Variants in ADCYAP1 observed in about 807,000 individuals in gnomAD.
ADCYAP1 encodes adenylate cyclase activating polypeptide 1.
ADCYAP1 carries 6 observed loss-of-function variants against 18.5 expected under a neutral mutation model. The ratio of observed to expected loss-of-function variants is 0.32; its 90% CI spans 0.18 to 0.64. The LOEUF is 0.64. Among genes scored for constraint, ADCYAP1 ranks in the 30% least tolerant of loss-of-function variants. The pLI is 0.77. For missense variants in ADCYAP1, 314 were observed against 253.6 expected (o/e 1.24, Z -1.62); for synonymous variants, 136 against 113.9 (o/e 1.19, Z -1.24).
At chr18:909,299 C>G (rs903029978) in intron 4 of ADCYAP1, 147 bp from the exon 5 acceptor site, 2 of 743,316 alleles carry the variant, frequency 2.7e-6, no homozygotes, top group East Asian at 5.9e-5. Context: ...CGGCTGCTTC[C>G]AGGCAGAGGC....
intron 3 of ADCYAP1, 134 bp downstream of exon 3, chr18:907,924 G>T (rs1225419924): frequency 1.5e-6 from 2 of 1,353,514 alleles, no homozygotes; most frequent in Non-Finnish European, 1.9e-6. Flanking sequence ...CCTCTCCCTG[G>T]CCCGATCCTA....
chr18:905,041 G>A lies in ADCYAP1; in HGVS notation c.-21G>A, dbSNP rs762578040. On this transcript the variant is annotated 5_prime_UTR_variant, in exon 1 of 5. Transcript: ENST00000450565. ...GCCGTCCTACCTGGCAGCTCTCCTGGCAGCGGGAGGAGTTGAAGGGTAAGG... is the reference window on the plus strand; with the variant it reads ...GCCGTCCTACCTGGCAGCTCTCCTGACAGCGGGAGGAGTTGAAGGGTAAGG... 1 of 1,295,770 alleles carries A rather than the reference G, an allele frequency of 7.7e-7. No individual in the cohort carries two copies. The highest frequency in any genetic ancestry group is 1.3e-5 in the South Asian group (1 of 79,450). 80.3% of individuals were successfully genotyped at this position (1,295,770 alleles called of 1,614,324 possible). A position where few individuals can be genotyped will look rare whatever the true frequency, so the allele number is the denominator to read the frequency against.
Position 909,667 on chromosome 18 carries a change from C to T in ADCYAP1, c.*32C>T. 1 of 1,571,362 alleles carries T rather than the reference C, an allele frequency of 6.4e-7. No individual in the cohort carries two copies. The highest frequency in any genetic ancestry group is 1.1e-5 in the South Asian group (1 of 86,964). On this transcript the variant is annotated 3_prime_UTR_variant, in exon 5 of 5. Coordinates refer to ENST00000450565, the MANE Select transcript of ADCYAP1 (RefSeq NM_001099733.2). Reference sequence around the variant, plus strand: ...GTTACCAGCTACCCTGTGTATACAGCCCTGACGCAATGAAAAGTCGTTTTC... The same window carrying T: ...GTTACCAGCTACCCTGTGTATACAGTCCTGACGCAATGAAAAGTCGTTTTC...
intron 4 of ADCYAP1, among the ~76,000 whole-genome samples, chr18:908,593 C>A (rs191294273): frequency 1.3e-5 from 2 of 152,160 alleles, no homozygotes; most frequent in Non-Finnish European, 2.9e-5. Context: ...GAGTTTGATC[C>A]GTTTTGAATG....
intron 2 of ADCYAP1, chr18:905,862 T>C (rs574325100): frequency 3.6e-6 from 1 of 277,454 alleles, no homozygotes; most frequent in African/African-American, 2.2e-5. Flanking sequence ...GAACTTCAGC[T>C]CTGGAGCCTG....
At position 905,200 on chromosome 18, in the gene ADCYAP1, ATT is replaced by A. The variant is rs566002626; in HGVS notation, c.-2+146_-2+147del. ...GCGCCGGGTAGATGCATATATATAT[ATT>A]TTTTTCTAACTATAGCAAGCAAGAA... On this transcript the variant is annotated intron_variant, in intron 1 of 4. Transcript: ENST00000450565. 7.3e-4 allele frequency: 1,016 copies of A among 1,400,492 alleles called. 1 individual carries two copies. The highest frequency in any genetic ancestry group is 7.8e-4 in the Non-Finnish European group (838 of 1,075,832). The allele number at this position is 1,400,492 out of a possible 1,614,324, so 86.8% of individuals were successfully genotyped here.
chr18:905,328 A>AG (rs1909121266), intron 1 of ADCYAP1, 58 bp from the exon 2 acceptor site: 3 of 1,585,282 alleles, frequency 1.9e-6, no homozygotes, highest in Admixed American at 3.4e-5. Context: ...TTGGGGTTGG[A>AG]GGGTGGGAGG....
At chr18:909,250 G>A (rs1909291898) in intron 4 of ADCYAP1, among the ~76,000 whole-genome samples, 196 bp from the exon 5 acceptor site, 1 of 152,234 alleles carries the variant, frequency 6.6e-6, no homozygotes, top group Non-Finnish European at 1.5e-5. Context: ...CCTGCGTGGG[G>A]AGGGGGGCAT....
At chr18:908,700 T>G (rs993840836) in intron 4 of ADCYAP1, among the ~76,000 whole-genome samples, 1 of 152,196 alleles carries the variant, frequency 6.6e-6, no homozygotes, top group Admixed American at 6.5e-5. Context: ...TGACTGTTTC[T>G]GGGGGAGGGG....
chr18:904,605 C>T, upstream of ADCYAP1: 1 of 1,259,454 alleles, frequency 7.9e-7, no homozygotes, highest in Middle Eastern at 2.6e-4. Flanking sequence ...AGAGAAGGCG[C>T]CGCCGACCCT....
chr18:904,923 G>A lies in ADCYAP1; in HGVS notation c.-139G>A. On this transcript the variant is annotated 5_prime_UTR_variant, in exon 1 of 5. Coordinates refer to ENST00000450565, the MANE Select transcript of ADCYAP1 (RefSeq NM_001099733.2). ...CGCAGCTCCTCCTGCTGCTCCCGCT[G>A]GTTCCTGCGGCTTCTGCTCAGACAC... The A allele has an allele frequency of 7.8e-7, 1 of 1,290,056 alleles. No individual in the cohort carries two copies. The highest frequency in any genetic ancestry group is 1.0e-6 in the Non-Finnish European group (1 of 989,310). The allele number at this position is 1,290,056 out of a possible 1,614,324, so 79.9% of individuals were successfully genotyped here. A position where few individuals can be genotyped will look rare whatever the true frequency, so the allele number is the denominator to read the frequency against.
At chr18:907,520 A>C in intron 2 of ADCYAP1, 139 bp from the exon 3 acceptor site, 1 of 917,786 alleles carries the variant, frequency 1.1e-6, no homozygotes, top group Non-Finnish European at 1.5e-6. Flanking sequence ...TCCCACCCCC[A>C]GTCCTGGGAG....
At chr18:904,765 G>C (rs2231181), upstream of ADCYAP1, 660,257 of 1,269,270 alleles carry the variant, frequency 0.52, 173,537 homozygotes, top group South Asian at 0.63. Flanking sequence ...GCTCCTCCGC[G>C]CTTCACCTCA....
intron 2 of ADCYAP1, 76 bp downstream of exon 2, chr18:905,572 G>T (rs765316211): frequency 6.5e-7 from 1 of 1,535,476 alleles, no homozygotes; most frequent in Non-Finnish European, 8.8e-7. Flanking sequence ...TCTCCTTCCT[G>T]CAGTCCTTTG....
chr18:908,092 T>C lies in ADCYAP1; in HGVS notation c.243-173T>C, dbSNP rs1378586922. On this transcript the variant is annotated intron_variant, in intron 3 of 4. Coordinates refer to ENST00000450565, the MANE Select transcript of ADCYAP1 (RefSeq NM_001099733.2). Reference sequence around the variant, plus strand: ...TAGAGCCGGGACTAGCTCCCGATCCTAGCAGTTGCTCTCGAGATCATCCCG... The same window carrying C: ...TAGAGCCGGGACTAGCTCCCGATCCCAGCAGTTGCTCTCGAGATCATCCCG... The C allele has an allele frequency of 5.9e-6, 4 of 676,978 alleles. 1 individual carries two copies. The South Asian group carries it at 6.5e-5, about 11-fold the overall frequency. 41.9% of individuals were successfully genotyped at this position (676,978 alleles called of 1,614,324 possible).
chr18:904,591 G>T, upstream of ADCYAP1: 1 of 1,272,128 alleles, frequency 7.9e-7, no homozygotes, highest in Non-Finnish European at 1.0e-6. Flanking sequence ...AGAGACCTCG[G>T]AGCAGAGAAG....
chr18:907,367 G>A (rs1380945556), intron 2 of ADCYAP1, among the ~76,000 whole-genome samples: 2 of 151,956 alleles, frequency 1.3e-5, no homozygotes, highest in African/African-American at 4.8e-5. Context: ...ACAGGTGTGC[G>A]CGATCGGCGG....
chr18:908,767 G>T (rs367569235), intron 4 of ADCYAP1, among the ~76,000 whole-genome samples: 1 of 152,078 alleles, frequency 6.6e-6, no homozygotes, highest in Non-Finnish European at 1.5e-5. Context: ...GGCCAAATGT[G>T]GACACTTATG....
At position 909,780 on chromosome 18, in the gene ADCYAP1, A is replaced by G; in HGVS notation, c.*145A>G. The G allele has an allele frequency of 1.6e-6, 1 of 630,324 alleles. No individual in the cohort carries two copies. Among genetic ancestry groups the G allele is most frequent in the Non-Finnish European group, 2.5e-6 (1 of 407,192 alleles). The allele number at this position is 630,324 out of a possible 1,614,324, so 39.0% of individuals were successfully genotyped here. ...AAAGCCATTAAATGAATATTTTGAT[A>G]ATAATATTGTTTTTCTTTCTACAAA... On this transcript the variant is annotated 3_prime_UTR_variant, in exon 5 of 5. Coordinates refer to ENST00000450565, the MANE Select transcript of ADCYAP1 (RefSeq NM_001099733.2).
Sources: gnomAD v4.1 joint callset for allele counts (sites outside exome capture counted in the v4.1 genomes callset) on GRCh38, gnomAD v4.1.1 for gene constraint, MANE v1.5 for transcripts, NCBI Gene and HGNC (gene_info 2026-07-23, HGNC 2026-07-21) for gene names.